SHKBP1: variants seen among roughly 807,000 people sequenced by gnomAD.
The protein encoded by SHKBP1 is SH3KBP1 binding protein 1, also known as SH3KBP1-binding protein 1.
SHKBP1 carries 71 observed loss-of-function variants against 83.9 expected under a neutral mutation model. The observed-to-expected ratio is 0.85, with a 90% CI of 0.70 to 1.03. The LOEUF (loss-of-function observed/expected upper bound fraction) is 1.03. Among genes scored for constraint, SHKBP1 ranks in the 50% least tolerant of loss-of-function variants. The probability of loss-of-function intolerance (pLI) is 0.00; values close to 1 mark genes in which losing one functional copy is unlikely to be tolerated. For missense variants in SHKBP1, 824 were observed against 982.4 expected (o/e 0.84, Z 2.16); for synonymous variants, 371 against 398.0 (o/e 0.93, Z 0.81).
In SHKBP1 at chr19:40,583,409, G is replaced by A. The variant is rs148254813; in HGVS notation, c.972G>A (p.Val324=). Residue 324 remains valine (V), a synonymous_variant, in exon 11 of 18, where the codon GTG becomes GTA. Coordinates refer to ENST00000291842, the MANE Select transcript of SHKBP1 (RefSeq NM_138392.4). ...TGCCCCACCCCCAGGTCCAGGAGGTGCAGCCCATCACCAGTTATGACGCGG... is the reference window on the plus strand; with the variant it reads ...TGCCCCACCCCCAGGTCCAGGAGGTACAGCCCATCACCAGTTATGACGCGG... ...AVTKHWQVQE[V]QPITSYDAAG... The A allele has an allele frequency of 7.1e-5, 112 of 1,585,594 alleles. No individual in the cohort carries two copies. In the African/African-American group the frequency reaches 1.4e-3, roughly 20 times the overall value.
chr19:40,577,948 TACACACACACACACACACACACAC>T (rs58880858), intron 4 of SHKBP1, 182 bp from the exon 5 acceptor site: 574 of 567,666 alleles, frequency 1.0e-3, no homozygotes, highest in Non-Finnish European at 1.6e-3. Context: ...GATTTCTCCC[TACACACACACACACACACACACAC>T]ACACACACAC....
chr19:40,583,820 G>A (rs1252007620), intron 12 of SHKBP1, 103 bp downstream of exon 12: 14 of 840,000 alleles, frequency 1.7e-5, no homozygotes, highest in Non-Finnish European at 2.4e-5. Flanking sequence ...GGGGTTTATC[G>A]AGGGGCGGCA....
intron 10 of SHKBP1, 45 bp downstream of exon 10, chr19:40,582,511 G>A (rs2081277965): frequency 6.5e-7 from 1 of 1,545,286 alleles, no homozygotes; most frequent in Non-Finnish European, 8.9e-7. Flanking sequence ...CAGTTTTCCA[G>A]ACTGTACAGA....
chr19:40,586,903 C>G lies in SHKBP1; in HGVS notation c.1295C>G (p.Pro432Arg). ...CAGACCTTCACTGTGCACCGCAGCC[C>G]TGTCACCAAGATCATGCTGTCGGAG... ...LFQTFTVHRS[P>R]VTKIMLSEKH... The change falls in exon 13 of 18, where the codon CCT (proline) becomes CGT (arginine). Residue 432 changes from proline (P) to arginine (R), a missense_variant. Pro to Arg is a moderately radical substitution (Grantham distance 103). Transcript: ENST00000291842. The G allele has an allele frequency of 6.2e-7, 1 of 1,610,444 alleles. No homozygotes were observed. Among genetic ancestry groups the G allele is most frequent in the Non-Finnish European group, 8.5e-7 (1 of 1,177,444 alleles).
chr19:40,588,807 C>T lies in SHKBP1; in HGVS notation c.1492+28C>T, dbSNP rs756981487. On this transcript the variant is annotated intron_variant, in intron 14 of 17. Transcript: ENST00000291842. ...GCCTACTGGCTCCTGGCCTTCCCAC[C>T]CCACTGACCCCCTTACCTGACCCCT... The T allele has an allele frequency of 1.7e-5, 27 of 1,608,366 alleles. No individual in the cohort carries two copies. In the Admixed American group the frequency reaches 2.5e-4, roughly 15 times the overall value.
rs371739369 is a variant in SHKBP1 at position 40,577,591 on chromosome 19, C to G, written c.221C>G (p.Pro74Arg). Residue 74 changes from proline (P) to arginine (R), a missense_variant, in exon 4 of 18, where the codon CCC (proline) becomes CGC (arginine). By Grantham distance (103) the Pro-to-Arg change is moderately radical. This residue lies in a region of SHKBP1 where 355 missense variants were observed against 386.4 expected (regional missense o/e 0.92). Transcript: ENST00000291842. ...GACAGGGACCCTACAGTCTTCGCCC[C>G]CATCCTCAACTTCCTGCGCACCAAA... ...FIDRDPTVFA[P>R]ILNFLRTKEL... The G allele has an allele frequency of 6.2e-6, 10 of 1,613,998 alleles. No individual in the cohort carries two copies. The highest frequency in any genetic ancestry group is 8.5e-6 in the Non-Finnish European group (10 of 1,180,022).
chr19:40,585,095 G>A (rs2145988915), intron 12 of SHKBP1, among the ~76,000 whole-genome samples: 1 of 151,826 alleles, frequency 6.6e-6, no homozygotes, highest in Middle Eastern at 3.4e-3. Context: ...ATGGTGTGAA[G>A]CAGGGATTAT....
intron 6 of SHKBP1, among the ~76,000 whole-genome samples, chr19:40,578,806 G>T (rs367558231): frequency 1.3e-5 from 2 of 152,086 alleles, no homozygotes; most frequent in African/African-American, 2.4e-5. Context: ...TTCTTTGTAG[G>T]GGGGGCTTTG....
At position 40,577,276 on chromosome 19, in the gene SHKBP1, C is replaced by T. The variant is rs760671418; in HGVS notation, c.132C>T (p.Phe44=). Reference sequence around the variant, plus strand: ...CTCTCACCTGGATCCCAGACTCCTTCTTCTCCAGGTGATCGGGAGAGCGAG... The same window carrying T: ...CTCTCACCTGGATCCCAGACTCCTTTTTCTCCAGGTGATCGGGAGAGCGAG... The part of the protein sequence containing the change: ...RQTLTWIPDS[F]FSSLLSGRIS... The change falls in exon 2 of 18, where the codon TTC becomes TTT. Residue 44 remains phenylalanine, a synonymous_variant. Coordinates refer to ENST00000291842, the MANE Select transcript of SHKBP1 (RefSeq NM_138392.4). 6.2e-7 allele frequency: 1 copy of T among 1,614,124 alleles called. No individual in the cohort carries two copies. The highest frequency in any genetic ancestry group is 8.5e-7 in the Non-Finnish European group (1 of 1,180,004).
Position 40,580,919 on chromosome 19 carries a change from G to A in SHKBP1, c.827G>A (p.Gly276Asp). ...CTGCTATGGGCTCTGCAGGCGGAAG[G>A]CGGTGGCTCCGAGATAGGTATGACC... ...EILLWALQAE[G>D]GGSEIGVFHL... Residue 276 changes from glycine (G) to aspartate (D), a missense_variant, in exon 9 of 18, where the codon GGC becomes GAC. Gly to Asp is a moderately conservative substitution (Grantham distance 94). This residue lies in a region of SHKBP1 where 355 missense variants were observed against 386.4 expected (regional missense o/e 0.92). Coordinates refer to ENST00000291842, the MANE Select transcript of SHKBP1 (RefSeq NM_138392.4). The A allele has an allele frequency of 6.3e-7, 1 of 1,576,788 alleles. No homozygotes were observed. Among genetic ancestry groups the A allele is most frequent in the South Asian group, 1.2e-5 (1 of 86,762 alleles).
At chr19:40,589,432 C>T (rs1194868880) in intron 15 of SHKBP1, among the ~76,000 whole-genome samples, 1 of 139,252 alleles carries the variant, frequency 7.2e-6, no homozygotes, top group African/African-American at 2.7e-5. Flanking sequence ...AGGTTGAAGG[C>T]ACAGGGGGTG....
chr19:40,576,984 A>C lies in SHKBP1; in HGVS notation c.85A>C (p.Arg29=). 1.3e-6 allele frequency: 2 copies of C among 1,514,044 alleles called. No individual in the cohort carries two copies. Among genetic ancestry groups the C allele is most frequent in the Non-Finnish European group, 1.8e-6 (2 of 1,132,492 alleles). The allele number at this position is 1,514,044 out of a possible 1,614,324, so 93.8% of individuals were successfully genotyped here. The change falls in exon 1 of 18, where the codon AGA becomes CGA. Residue 29 remains arginine, a splice_region_variant and synonymous_variant. Transcript: ENST00000291842. ...CATTCATCTGAATGTGGGAGGCAAG[A>C]GGTGAGTGTGGGAGACTCCTGAGGT... The part of the protein sequence containing the change: ...EVIHLNVGGK[R]FSTSRQTLTW...
chr19:40,591,092 T>C lies in SHKBP1; in HGVS notation c.2009T>C (p.Leu670Pro), dbSNP rs776677498. 2 of 1,612,624 alleles carry C rather than the reference T, an allele frequency of 1.2e-6. No individual in the cohort carries two copies. The highest frequency in any genetic ancestry group is 1.7e-6 in the Non-Finnish European group (2 of 1,179,012). ...GGSFVERCQE[L>P]VRSGPDLRRP... ...AGCTTTGTGGAACGCTGCCAGGAACTGGTGCGGAGTGGGCCAGACCTCCGA... is the reference window on the plus strand; with the variant it reads ...AGCTTTGTGGAACGCTGCCAGGAACCGGTGCGGAGTGGGCCAGACCTCCGA... Residue 670 changes from leucine to proline, a missense_variant, in exon 18 of 18, where the codon CTG becomes CCG. By Grantham distance (98) the Leu-to-Pro change is moderately conservative. Coordinates refer to ENST00000291842, the MANE Select transcript of SHKBP1 (RefSeq NM_138392.4).
chr19:40,583,657 T>C lies in SHKBP1; in HGVS notation c.1105T>C (p.Tyr369His). Residue 369 changes from tyrosine to histidine, a missense_variant, in exon 12 of 18, where the codon TAT (tyrosine) becomes CAT (histidine). Physicochemically the swap from Tyr to His is moderately conservative, Grantham distance 83 (BLOSUM62 2). Around this residue, in one of 3 missense-constraint regions of SHKBP1, gnomAD observed 182 missense variants for 273.1 expected, o/e 0.67. Transcript: ENST00000291842. ...CAACGACCTCCTTGTCAGCGAGCTC[T>C]ATCGGGACCCAGCGGAGGATGGGGT... ...KDNDLLVSEL[Y>H]RDPAEDGVTA... 2 of 1,610,220 alleles carry C rather than the reference T, an allele frequency of 1.2e-6. No homozygotes were observed. The highest frequency in any genetic ancestry group is 1.7e-6 in the Non-Finnish European group (2 of 1,177,726).
At position 40,577,277 on chromosome 19, in the gene SHKBP1, T is replaced by A. The variant is rs1196468519; in HGVS notation, c.133T>A (p.Phe45Ile). Residue 45 changes from phenylalanine to isoleucine, a missense_variant, in exon 2 of 18, where the codon TTC (phenylalanine) becomes ATC (isoleucine). Phe to Ile is a conservative substitution (Grantham distance 21). Coordinates refer to ENST00000291842, the MANE Select transcript of SHKBP1 (RefSeq NM_138392.4). ...TCTCACCTGGATCCCAGACTCCTTC[T>A]TCTCCAGGTGATCGGGAGAGCGAGT... is the stretch of plus-strand genomic sequence containing the variant. ...QTLTWIPDSFFSSLLSGRIST... is the reference protein window; with the variant it reads ...QTLTWIPDSFISSLLSGRIST... 1 of 1,613,972 alleles carries A rather than the reference T, an allele frequency of 6.2e-7. No homozygotes were observed. Among genetic ancestry groups the A allele is most frequent in the Non-Finnish European group, 8.5e-7 (1 of 1,179,992 alleles).
intron 12 of SHKBP1, chr19:40,585,883 T>A (rs1463469109): frequency 6.6e-6 from 1 of 152,170 alleles, no homozygotes; most frequent in African/African-American, 2.4e-5. Context: ...CTCATCTCCC[T>A]TCCCGCCACA....
At chr19:40,587,337 C>A (rs569170042) in intron 13 of SHKBP1, among the ~76,000 whole-genome samples, 14 of 152,310 alleles carry the variant, frequency 9.2e-5, no homozygotes, top group South Asian at 4.1e-4. Flanking sequence ...CACCTATAAT[C>A]CCAGAACTTT....
chr19:40,582,984 T>G (rs918110230), intron 10 of SHKBP1, among the ~76,000 whole-genome samples: 8 of 150,560 alleles, frequency 5.3e-5, no homozygotes, highest in African/African-American at 1.7e-4. Flanking sequence ...CTCAGAGAGA[T>G]AAATGGAGAT....
At chr19:40,583,842 C>T in intron 12 of SHKBP1, 125 bp downstream of exon 12, 1 of 727,688 alleles carries the variant, frequency 1.4e-6, no homozygotes, top group Non-Finnish European at 2.4e-6. Context: ...ATTCAACTCT[C>T]TCTCATTTTT....
Sources: allele counts gnomAD v4.1 joint callset (sites outside exome capture counted in the v4.1 genomes callset), GRCh38; gene constraint gnomAD v4.1.1; regional missense constraint gnomAD v4.1.1; transcripts MANE v1.5; gene names NCBI Gene and HGNC (gene_info 2026-07-23, HGNC 2026-07-21).